The following DYRK4 variants were observed in gnomAD, a reference collection of about 807,000 sequenced individuals.
DYRK4 encodes dual specificity tyrosine phosphorylation regulated kinase 4, also known as dual specificity tyrosine-phosphorylation-regulated kinase 4.
DYRK4 carries 64 observed loss-of-function variants against 68.3 expected under a neutral mutation model. The ratio of observed to expected loss-of-function variants is 0.94; its 90% confidence interval spans 0.77 to 1.15. The LOEUF is 1.15. Ranked by LOEUF, DYRK4 falls within the 50% of genes most tolerant of loss-of-function variation. The pLI is 0.00. For synonymous variants in DYRK4, 274 were observed against 289.9 expected, an observed-to-expected ratio of 0.95 and a Z score of 0.56; for missense variants, 740 against 764.7, an observed-to-expected ratio of 0.97 and a Z score of 0.38.
At chr12:4,584,903 C>A (rs1262763240) in intron 2 of DYRK4, among the ~76,000 whole-genome samples, 1 of 152,090 alleles carries the variant, frequency 6.6e-6, no homozygotes, top group Non-Finnish European at 1.5e-5. Flanking sequence ...GAAGGGTGAG[C>A]TAGCTGAAAC....
At chr12:4,595,994 A>G (rs1345277267) in intron 6 of DYRK4, among the ~76,000 whole-genome samples, 155 bp from the exon 7 acceptor site, 1 of 152,188 alleles carries the variant, frequency 6.6e-6, no homozygotes, top group East Asian at 1.9e-4. Context: ...CATAGTCGCA[A>G]TGAGATGAGG....
intron 4 of DYRK4, chr12:4,590,770 T>G: frequency 2.5e-6 from 1 of 402,888 alleles, no homozygotes; most frequent in Non-Finnish European, 4.2e-6. Flanking sequence ...CCAAATAAGA[T>G]AATAGGTGCG....
Position 4,591,412 on chromosome 12 carries a change from GGCA to G in DYRK4, c.463+117_463+119del, listed in dbSNP as rs1287325115. On this transcript the variant is annotated intron_variant, in intron 5 of 14. Coordinates refer to ENST00000543431, the MANE Select transcript of DYRK4 (RefSeq NM_001394779.1). The surrounding 1 kb of genome is among the most constrained non-coding windows in gnomAD (Gnocchi z 4.1). ...GCCAGGTGTCAGAGTAGTCAAAGAA[GGCA>G]GCCAGCCAAGAGGAAAGTAGAAGTT... 7.1e-6 allele frequency: 10 copies of G among 1,418,292 alleles called. No homozygotes were observed. Among genetic ancestry groups the G allele is most frequent in the Non-Finnish European group, 9.4e-6 (10 of 1,058,970 alleles). The allele number at this position is 1,418,292 out of a possible 1,614,324, so 87.9% of individuals were successfully genotyped here.
chr12:4,564,974 G>A lies in DYRK4; in HGVS notation c.38+2691G>A, dbSNP rs531392797. 2.6e-5 allele frequency among the ~76,000 whole-genome samples: 4 copies of A among 152,274 alleles called. 1 individual carries two copies. In the South Asian group the frequency reaches 8.3e-4, roughly 32 times the overall value. On this transcript the variant is annotated intron_variant, in intron 1 of 14. Coordinates refer to ENST00000543431, the MANE Select transcript of DYRK4 (RefSeq NM_001394779.1). ...TAGGCAAACACACGATTGAACGCTC[G>A]AGGAAAGAGAGGAAGGGGAAGGAGA... is the stretch of plus-strand genomic sequence containing the variant.
chr12:4,565,219 G>C (rs1263935347), intron 1 of DYRK4, among the ~76,000 whole-genome samples: 1 of 152,166 alleles, frequency 6.6e-6, no homozygotes, highest in African/African-American at 2.4e-5. Flanking sequence ...TTTGAGCAAG[G>C]GTTAAGTTGT....
chr12:4,562,554 A>G (rs1369897305), intron 1 of DYRK4, among the ~76,000 whole-genome samples: 1 of 152,244 alleles, frequency 6.6e-6, no homozygotes, highest in African/African-American at 2.4e-5. Context: ...AGCTGAGTGC[A>G]GGACAGGGAG....
chr12:4,598,609 C>G (rs1336305582), intron 8 of DYRK4, among the ~76,000 whole-genome samples: 1 of 152,230 alleles, frequency 6.6e-6, no homozygotes, highest in East Asian at 1.9e-4. Flanking sequence ...TGCCCACTCT[C>G]TTGTTCCTTA....
chr12:4,580,054 A>G (rs1164311690), intron 2 of DYRK4, among the ~76,000 whole-genome samples: 2 of 152,192 alleles, frequency 1.3e-5, no homozygotes, highest in Non-Finnish European at 2.9e-5. Flanking sequence ...TATACTACAC[A>G]TGCCCTAAGG....
In DYRK4 at chr12:4,613,716, C is replaced by T; in HGVS notation, c.1868C>T (p.Ser623Phe). The change falls in exon 15 of 15, where the codon TCC (serine) becomes TTC (phenylalanine). Residue 623 changes from serine to phenylalanine, a missense_variant. By Grantham distance (155) the Ser-to-Phe change is radical (BLOSUM62 -2). This residue lies in a region of DYRK4 where 614 missense variants were observed against 603.7 expected (regional missense o/e 1.02). Coordinates refer to ENST00000543431, the MANE Select transcript of DYRK4 (RefSeq NM_001394779.1). The surrounding 1 kb of genome is among the most constrained non-coding windows in gnomAD (Gnocchi z 4.0). ...MTSPGQSKNF[S>F]LKNTNVLPPI... ...TCCCCAGGACAGAGCAAAAACTTCTCCCTCAAGAACACAAACGTTTTACCC... is the reference window on the plus strand; with the variant it reads ...TCCCCAGGACAGAGCAAAAACTTCTTCCTCAAGAACACAAACGTTTTACCC... 6.3e-7 allele frequency: 1 copy of T among 1,581,308 alleles called. No homozygotes were observed. Among genetic ancestry groups the T allele is most frequent in the East Asian group, 2.3e-5 (1 of 44,102 alleles).
rs747938844 is a variant in DYRK4 at position 4,599,775 on chromosome 12, T to C, written c.1113T>C (p.Tyr371=). Reference sequence around the variant, plus strand: ...TCATTGACTTTGGATCAAGCTGTTATGAACACCAGAAAGGTGAGCCCCATG... The same window carrying C: ...TCATTGACTTTGGATCAAGCTGTTACGAACACCAGAAAGGTGAGCCCCATG... ...VKVIDFGSSC[Y]EHQKVYTYIQ... Residue 371 remains tyrosine, a synonymous_variant, in exon 10 of 15, where the codon TAT becomes TAC. Transcript: ENST00000543431. 31 of 1,613,958 alleles carry C rather than the reference T, an allele frequency of 1.9e-5. No homozygotes were observed. The highest frequency in any genetic ancestry group is 2.5e-5 in the Non-Finnish European group (30 of 1,179,936).
intron 2 of DYRK4, among the ~76,000 whole-genome samples, chr12:4,574,181 C>T (rs1476230578): frequency 1.3e-5 from 2 of 148,940 alleles, no homozygotes; most frequent in African/African-American, 5.0e-5. Context: ...GCCGAGATCG[C>T]GCCACTGCAC....
At chr12:4,586,556 G>A (rs746942880) in intron 2 of DYRK4, among the ~76,000 whole-genome samples, 3 of 152,166 alleles carry the variant, frequency 2.0e-5, no homozygotes, top group Non-Finnish European at 2.9e-5. Context: ...TCTTGGGGAA[G>A]CTGCTGAAAG....
At chr12:4,593,322 A>G (rs925056940) in intron 6 of DYRK4, among the ~76,000 whole-genome samples, 157 bp downstream of exon 6, 4 of 152,342 alleles carry the variant, frequency 2.6e-5, no homozygotes, top group African/African-American at 9.6e-5. Context: ...AGGAAATACC[A>G]TGTTTGAAAA....
chr12:4,564,762 C>T (rs1459069350), intron 1 of DYRK4, among the ~76,000 whole-genome samples: 1 of 152,146 alleles, frequency 6.6e-6, no homozygotes, highest in Non-Finnish European at 1.5e-5. Context: ...TTTCTCTTCC[C>T]TCAGCAAATT....
chr12:4,578,463 T>A (rs576714619), intron 2 of DYRK4, among the ~76,000 whole-genome samples: 3 of 152,356 alleles, frequency 2.0e-5, no homozygotes, highest in Admixed American at 6.5e-5. Flanking sequence ...TGTTCATTTT[T>A]AAATCTGTTC....
At chr12:4,573,923 G>T (rs1195319556) in intron 2 of DYRK4, among the ~76,000 whole-genome samples, 1 of 152,126 alleles carries the variant, frequency 6.6e-6, no homozygotes, top group African/African-American at 2.4e-5. Context: ...CCCAACACAA[G>T]GTTTTAAGAA....
chr12:4,562,967 C>CA (rs1944643486), intron 1 of DYRK4: 7 of 423,364 alleles, frequency 1.7e-5, no homozygotes, highest in South Asian at 1.0e-4. Flanking sequence ...TGTCCAGCAG[C>CA]CCCTCAAAGC....
At chr12:4,569,924 G>C (rs78396123) in intron 2 of DYRK4, among the ~76,000 whole-genome samples, 2 of 151,958 alleles carry the variant, frequency 1.3e-5, no homozygotes, top group Admixed American at 6.5e-5. Flanking sequence ...AAATAAGTCC[G>C]GGGCATGAGG....
intron 2 of DYRK4, among the ~76,000 whole-genome samples, chr12:4,584,024 A>G (rs1020053591): frequency 3.9e-5 from 6 of 152,240 alleles, no homozygotes; most frequent in African/African-American, 1.4e-4. Flanking sequence ...GTTTGTTGCC[A>G]TGGAATTTCC....
Sources: gnomAD v4.1 joint callset for allele counts (sites outside exome capture counted in the v4.1 genomes callset) on GRCh38, gnomAD v4.1.1 for gene constraint, gnomAD v4.1.1 regional missense constraint, Gnocchi (gnomAD v3.1) non-coding constraint, MANE v1.5 for transcripts, NCBI Gene and HGNC (gene_info 2026-07-23, HGNC 2026-07-21) for gene names.